CLUAP1: variants seen among roughly 807,000 people sequenced by gnomAD.
The protein encoded by CLUAP1 is intraflagellar transport 38, also known as clusterin-associated protein 1.
Under a neutral mutation model 55.0 loss-of-function variants are expected in CLUAP1, and 50 were observed. That is an observed-to-expected ratio of 0.91 (90% CI 0.72 to 1.15). The LOEUF (loss-of-function observed/expected upper bound fraction) is 1.15, where lower values mean the gene tolerates loss of function less well. Among genes scored for constraint, CLUAP1 ranks in the 50% most tolerant of loss-of-function variants. The pLI is 0.00. For synonymous variants in CLUAP1, 195 were observed against 175.4 expected (o/e 1.11, Z -0.88); for missense variants, 530 against 507.6 (o/e 1.04, Z -0.42).
intron 1 of CLUAP1, among the ~76,000 whole-genome samples, chr16:3,503,230 C>G (rs996768764): frequency 6.6e-6 from 1 of 152,070 alleles, no homozygotes; most frequent in East Asian, 1.9e-4. Flanking sequence ...GTGACGCGAT[C>G]TCGGCTCACT....
rs374643583 is a variant in CLUAP1 at position 3,506,433 on chromosome 16, T to C, written c.219+18T>C. On this transcript the variant is annotated intron_variant, in intron 3 of 11. Transcript: ENST00000576634. Reference sequence around the variant, plus strand: ...AGTTCATGGTTAGTGGACACTTATTTTGTGGAGTTGTAAAATTAAATAAAC... The same window carrying C: ...AGTTCATGGTTAGTGGACACTTATTCTGTGGAGTTGTAAAATTAAATAAAC... 1.9e-6 allele frequency: 3 copies of C among 1,577,582 alleles called. No individual in the cohort carries two copies. Among genetic ancestry groups the C allele is most frequent in the South Asian group, 1.1e-5 (1 of 90,326 alleles).
intron 6 of CLUAP1, among the ~76,000 whole-genome samples, chr16:3,516,944 AAAGT>A (rs1814307545): frequency 6.6e-6 from 1 of 152,198 alleles, no homozygotes; most frequent in Non-Finnish European, 1.5e-5. Flanking sequence ...TCTCCTGGCC[AAAGT>A]AAGGACAACT....
intron 4 of CLUAP1, among the ~76,000 whole-genome samples, chr16:3,510,454 C>T (rs2037601895): frequency 6.6e-6 from 1 of 152,122 alleles, no homozygotes; most frequent in South Asian, 2.1e-4. Context: ...GGTTTTTAAC[C>T]AGGAGCGACA....
chr16:3,532,684 C>G, intron 10 of CLUAP1, 102 bp from the exon 11 acceptor site: 1 of 1,250,724 alleles, frequency 8.0e-7, no homozygotes. Context: ...TGGGATTATA[C>G]GCAAAAGCCA....
At chr16:3,508,069 G>C (rs756694428) in intron 3 of CLUAP1, among the ~76,000 whole-genome samples, 1 of 152,094 alleles carries the variant, frequency 6.6e-6, no homozygotes, top group Non-Finnish European at 1.5e-5. Flanking sequence ...CAAAAGATAT[G>C]TGCATTTGTA....
chr16:3,517,582 G>A (rs2151054751), intron 6 of CLUAP1, among the ~76,000 whole-genome samples: 2 of 152,214 alleles, frequency 1.3e-5, no homozygotes, highest in South Asian at 4.1e-4. Context: ...AAAGTGCTGG[G>A]ATTACAGGCA....
At chr16:3,529,660 T>A (rs868727041) in intron 9 of CLUAP1, among the ~76,000 whole-genome samples, 22 of 14,020 alleles carry the variant, frequency 1.6e-3, no homozygotes, top group African/African-American at 3.7e-3. Flanking sequence ...TTATTATATA[T>A]TATATATTAT....
rs185579221 is a variant in CLUAP1, at chr16:3,527,555, G to A, written c.928+1071G>A. ...GGAAAGGGAGTCTCCCTTTCCCCGG[G>A]GGAGTTTAGAGAAGACTTTACTCCT... is the stretch of plus-strand genomic sequence containing the variant. On this transcript the variant is annotated intron_variant, in intron 9 of 11. Transcript: ENST00000576634. Among the ~76,000 whole-genome samples, 10 of 152,028 alleles carry A rather than the reference G, an allele frequency of 6.6e-5. 1 individual carries two copies. The highest frequency in any genetic ancestry group is 2.2e-4 in the African/African-American group (9 of 41,466).
rs1567440017 is a variant in CLUAP1 at position 3,529,674 on chromosome 16, ATATTATATATTATTAT to A, written c.929-893_929-878del. Among the ~76,000 whole-genome samples, 126 of 16,800 alleles carry A rather than the reference ATATTATATATTATTAT, an allele frequency of 7.5e-3. 14 individuals carry two copies. Among genetic ancestry groups the A allele is most frequent in the African/African-American group, 0.054 (119 of 2,200 alleles). 11.0% of individuals were successfully genotyped at this position (16,800 alleles called of 152,430 possible). ...ATTATTATATATTATATATTATTAT[ATATTATATATTATTAT>A]ATATTATATATTATATATTATATAA... On this transcript the variant is annotated intron_variant, in intron 9 of 11. Coordinates refer to ENST00000576634, the MANE Select transcript of CLUAP1 (RefSeq NM_015041.3).
chr16:3,532,869 C>G, intron 11 of CLUAP1, 28 bp downstream of exon 11: 2 of 1,612,048 alleles, frequency 1.2e-6, no homozygotes, highest in Non-Finnish European at 1.7e-6. Flanking sequence ...CTCAGTGGTT[C>G]TGTGCACTCT....
In CLUAP1 at chr16:3,521,825, C is replaced by T. The variant is rs532649781; in HGVS notation, c.714-1333C>T. On this transcript the variant is annotated intron_variant, in intron 7 of 11. Coordinates refer to ENST00000576634, the MANE Select transcript of CLUAP1 (RefSeq NM_015041.3). ...ATCCCAGCACTTTGAGAGGCCAAGG[C>T]GGGCAGATCGCTTGAACTCAGGGGT... Among the ~76,000 whole-genome samples the T allele has an allele frequency of 4.0e-5, 6 of 151,882 alleles. 1 individual carries two copies. The South Asian group carries it at 1.0e-3, about 26-fold the overall frequency.
chr16:3,498,109 G>GGGCT (rs565312268), upstream of CLUAP1, among the ~76,000 whole-genome samples: 297 of 152,168 alleles, frequency 2.0e-3, 4 homozygotes, highest in Middle Eastern at 0.027. Flanking sequence ...GTGGGGGTGA[G>GGGCT]GGCTGGTGTA....
At chr16:3,503,737 T>G (rs1391353746) in intron 1 of CLUAP1, among the ~76,000 whole-genome samples, 1 of 152,182 alleles carries the variant, frequency 6.6e-6, no homozygotes, top group Non-Finnish European at 1.5e-5. Context: ...ACCACAGGCA[T>G]GCACCACCAC....
intron 7 of CLUAP1, 133 bp downstream of exon 7, chr16:3,520,169 T>A: frequency 1.1e-6 from 1 of 875,706 alleles, no homozygotes. Flanking sequence ...GCCCAGGAGT[T>A]TGAGACCAGC....
intron 1 of CLUAP1, 40 bp from the exon 2 acceptor site, chr16:3,504,680 G>A (rs545549435): frequency 4.5e-6 from 5 of 1,118,486 alleles, no homozygotes; most frequent in Admixed American, 1.7e-5. Flanking sequence ...TAGTTGCTGT[G>A]TGATGGGGAA....
At chr16:3,512,290 G>A in intron 4 of CLUAP1, 93 bp from the exon 5 acceptor site, 1 of 918,522 alleles carries the variant, frequency 1.1e-6, no homozygotes, top group South Asian at 1.4e-5. Flanking sequence ...GAGGCCAGGA[G>A]TTAGAGAGCA....
chr16:3,496,632 G>T (rs533936929), upstream of CLUAP1: 512 of 532,456 alleles, frequency 9.6e-4, no homozygotes, highest in Non-Finnish European at 1.6e-3. Flanking sequence ...TCCGGTCTTC[G>T]CAAGGGCCGA....
chr16:3,517,791 T>G (rs1306460913), intron 6 of CLUAP1, among the ~76,000 whole-genome samples: 2 of 152,170 alleles, frequency 1.3e-5, no homozygotes, highest in Admixed American at 6.5e-5. Context: ...CATATCTGAC[T>G]CTAATGAGAC....
rs919649616 is a variant in CLUAP1, at chr16:3,507,677, AGTTT to A, written c.220-609_220-606del. On this transcript the variant is annotated intron_variant, in intron 3 of 11. Coordinates refer to ENST00000576634, the MANE Select transcript of CLUAP1 (RefSeq NM_015041.3). The stretch of plus-strand genomic sequence containing the variant: ...AACCACTATTTTAAATCTCTTCCAG[AGTTT>A]GTGTGTGTGTGTGTGTGTGTGTGTG... Among the ~76,000 whole-genome samples, 3 of 103,894 alleles carry A rather than the reference AGTTT, an allele frequency of 2.9e-5. No homozygotes were observed. The Admixed American group carries it at 3.0e-4, about 10-fold the overall frequency. The allele number at this position is 103,894 out of a possible 152,430, so 68.2% of individuals were successfully genotyped here. A position where few individuals can be genotyped will look rare whatever the true frequency, so the allele number is the denominator to read the frequency against.
Sources: allele counts gnomAD v4.1 joint callset (sites outside exome capture counted in the v4.1 genomes callset), GRCh38; gene constraint gnomAD v4.1.1; transcripts MANE v1.5; gene names NCBI Gene and HGNC (gene_info 2026-07-23, HGNC 2026-07-21).